Variants in ST6GALNAC3 observed in about 807,000 individuals in gnomAD.
The protein encoded by ST6GALNAC3 is alpha-N-acetylgalactosaminide alpha-2,6-sialyltransferase 3.
A neutral mutation model predicts 32.7 loss-of-function variants in ST6GALNAC3; 25 were observed. The ratio of observed to expected loss-of-function variants is 0.76; its 90% CI spans 0.56 to 1.07. The LOEUF (loss-of-function observed/expected upper bound fraction) is 1.07, where lower values mean the gene tolerates loss of function less well. ST6GALNAC3 is among the 50% of genes least tolerant of loss of function. The pLI is 0.00. For missense variants in ST6GALNAC3, 355 were observed against 382.4 expected (o/e 0.93, Z 0.60); for synonymous variants, 129 against 133.1 (o/e 0.97, Z 0.21).
chr1:76,334,087 A>G (rs1350756537), intron 2 of ST6GALNAC3, among the ~76,000 whole-genome samples: 2 of 152,236 alleles, frequency 1.3e-5, no homozygotes, highest in South Asian at 2.1e-4. Flanking sequence ...TCCACCTGGT[A>G]GAATTACATG....
At chr1:76,391,890 T>G (rs1332662938) in intron 2 of ST6GALNAC3, among the ~76,000 whole-genome samples, 2 of 152,208 alleles carry the variant, frequency 1.3e-5, no homozygotes, top group Non-Finnish European at 2.9e-5. Flanking sequence ...AAAATGAAAC[T>G]TGGAACACAG....
intron 3 of ST6GALNAC3, among the ~76,000 whole-genome samples, chr1:76,444,880 G>T (rs1356266874): frequency 6.6e-6 from 1 of 152,116 alleles, no homozygotes; most frequent in African/African-American, 2.4e-5. Context: ...CCCTGGCTTG[G>T]AAGATTTTGG....
intron 1 of ST6GALNAC3, among the ~76,000 whole-genome samples, chr1:76,303,545 G>A (rs1025265649): frequency 6.6e-6 from 1 of 151,994 alleles, no homozygotes; most frequent in Non-Finnish European, 1.5e-5. Context: ...TAAAGTACTT[G>A]GCATAATGCC....
At chr1:76,450,693 G>C (rs1376980144) in intron 3 of ST6GALNAC3, among the ~76,000 whole-genome samples, 2 of 152,196 alleles carry the variant, frequency 1.3e-5, no homozygotes, top group African/African-American at 4.8e-5. Context: ...TCAGGTCTTA[G>C]ATATAAATGC....
chr1:76,277,365 C>G (rs1162215491), intron 1 of ST6GALNAC3, among the ~76,000 whole-genome samples: 1 of 151,170 alleles, frequency 6.6e-6, no homozygotes, highest in Non-Finnish European at 1.5e-5. Context: ...AATGGAAAGC[C>G]CAGAAATGAA....
intron 1 of ST6GALNAC3, among the ~76,000 whole-genome samples, chr1:76,099,395 AAG>A (rs1234043131): frequency 6.6e-6 from 1 of 152,198 alleles, no homozygotes; most frequent in Non-Finnish European, 1.5e-5. Context: ...ATGTCCACAA[AAG>A]AGTGGTACAT....
rs115818213 is a variant in ST6GALNAC3, at chr1:76,221,918, C to T, written c.19-91887C>T. 5.4e-3 allele frequency among the ~76,000 whole-genome samples: 816 copies of T among 152,156 alleles called. 12 individuals are homozygous for T. Among genetic ancestry groups the T allele is most frequent in the African/African-American group, 0.018 (768 of 41,516 alleles). On this transcript the variant is annotated intron_variant, in intron 1 of 4. Transcript: ENST00000328299. ...CAAAACTTTATTATCCAGGTCTTGGCGTGAGCTTTGATTGTGTTGAAAGAA... is the reference window on the plus strand; with the variant it reads ...CAAAACTTTATTATCCAGGTCTTGGTGTGAGCTTTGATTGTGTTGAAAGAA...
Position 76,508,958 on chromosome 1 carries a change from A to G in ST6GALNAC3, c.623+96541A>G, listed in dbSNP as rs543064358. On this transcript the variant is annotated intron_variant, in intron 3 of 4. Transcript: ENST00000328299. ...AGTTTAGAGTGTCAACTTAGTAAGG[A>G]CAATATGCATTTAGAATAAATACTT... 7.7e-4 allele frequency among the ~76,000 whole-genome samples: 117 copies of G among 152,316 alleles called. 1 individual carries two copies. The highest frequency in any genetic ancestry group is 2.7e-3 in the African/African-American group (113 of 41,560).
At chr1:76,134,206 T>A (rs1649792670) in intron 1 of ST6GALNAC3, among the ~76,000 whole-genome samples, 1 of 149,152 alleles carries the variant, frequency 6.7e-6, no homozygotes, top group Admixed American at 6.6e-5. Flanking sequence ...AGATGGCTGC[T>A]TCCTCAGCAT....
intron 1 of ST6GALNAC3, among the ~76,000 whole-genome samples, chr1:76,219,252 C>T (rs1056943208): frequency 6.6e-6 from 1 of 152,204 alleles, no homozygotes; most frequent in African/African-American, 2.4e-5. Flanking sequence ...TGCTCTGCTT[C>T]TGCTACCTCC....
chr1:76,334,147 A>G lies in ST6GALNAC3; in HGVS notation c.213+20148A>G, dbSNP rs556888925. Among the ~76,000 whole-genome samples the G allele has an allele frequency of 2.6e-5, 4 of 151,820 alleles. No individual in the cohort carries two copies. The East Asian group carries it at 7.7e-4, about 29-fold the overall frequency. ...TGTTCTTAATTTTACTTGTTGTAAA[A>G]ATTTATTCTTTCAAACTTGTCTGCA... On this transcript the variant is annotated intron_variant, in intron 2 of 4. Transcript: ENST00000328299.
chr1:76,126,421 G>T (rs61771333), intron 1 of ST6GALNAC3, among the ~76,000 whole-genome samples: 1,189 of 76,136 alleles, frequency 0.016, 13 homozygotes, highest in African/African-American at 0.061. Context: ...CCTCCCTCCT[G>T]CCTTTCCTTC....
chr1:76,368,518 C>T (rs986427650), intron 2 of ST6GALNAC3, among the ~76,000 whole-genome samples: 2 of 151,280 alleles, frequency 1.3e-5, no homozygotes, highest in Non-Finnish European at 2.9e-5. Flanking sequence ...TGACTGATTT[C>T]TGGTTGTCTG....
Position 76,453,179 on chromosome 1 carries a change from G to A in ST6GALNAC3, c.623+40762G>A, listed in dbSNP as rs188481508. On this transcript the variant is annotated intron_variant, in intron 3 of 4. Transcript: ENST00000328299. ...TTTGGATTTTCTGTCTTCTTTTCTT[G>A]GTTAATCTTGCTAGTGGTCTATCAA... Among the ~76,000 whole-genome samples, 777 of 151,970 alleles carry A rather than the reference G, an allele frequency of 5.1e-3. 8 individuals are homozygous for A. Among genetic ancestry groups the A allele is most frequent in the African/African-American group, 0.017 (711 of 41,490 alleles).
At chr1:76,157,746 A>T (rs1005921049) in intron 1 of ST6GALNAC3, among the ~76,000 whole-genome samples, 7 of 152,208 alleles carry the variant, frequency 4.6e-5, no homozygotes, top group African/African-American at 1.4e-4. Context: ...CCACCATTAC[A>T]GTAATGTACA....
intron 3 of ST6GALNAC3, among the ~76,000 whole-genome samples, chr1:76,562,884 C>T (rs571526657): frequency 1.3e-5 from 2 of 152,054 alleles, no homozygotes; most frequent in South Asian, 4.2e-4. Flanking sequence ...GAGACCAAGC[C>T]CTCATGTGGT....
chr1:76,111,048 A>T lies in ST6GALNAC3; in HGVS notation c.18+36164A>T, dbSNP rs1320773613. ...CAGAAGACTGGATGCTGTGTGTCCT[A>T]AAAGCCTTAGTAAGAAAGGCTTAGA... On this transcript the variant is annotated intron_variant, in intron 1 of 4. Transcript: ENST00000328299. Among the ~76,000 whole-genome samples the T allele has an allele frequency of 2.0e-5, 3 of 152,198 alleles. No homozygotes were observed. The East Asian group carries it at 5.8e-4, about 29-fold the overall frequency.
intron 3 of ST6GALNAC3, 71 bp from the exon 4 acceptor site, chr1:76,627,380 CA>C: frequency 1.0e-6 from 1 of 976,218 alleles, no homozygotes. Flanking sequence ...TCGTTTCTCA[CA>C]CACCTTATTG....
chr1:76,348,310 AT>A (rs1648686842), intron 2 of ST6GALNAC3, among the ~76,000 whole-genome samples: 1 of 152,112 alleles, frequency 6.6e-6, no homozygotes, highest in Non-Finnish European at 1.5e-5. Context: ...ATCACCTGTG[AT>A]TTTTGTATAT....
Sources: allele counts gnomAD v4.1 joint callset (sites outside exome capture counted in the v4.1 genomes callset), GRCh38; gene constraint gnomAD v4.1.1; transcripts MANE v1.5; gene names NCBI Gene and HGNC (gene_info 2026-07-23, HGNC 2026-07-21).